The following XYLT1 variants were observed in gnomAD, a reference collection of about 807,000 sequenced individuals.
The protein encoded by XYLT1 is beta-D-xylosyltransferase 1.
Under a neutral mutation model 91.3 loss-of-function variants are expected in XYLT1, and 36 were observed. The ratio of observed to expected loss-of-function variants is 0.39; its 90% CI spans 0.30 to 0.52. XYLT1 has a LOEUF of 0.52. Among genes scored for constraint, XYLT1 ranks in the 20% least tolerant of loss-of-function variants. The pLI, the probability that XYLT1 is intolerant of heterozygous loss-of-function variation, is 0.68. For missense variants in XYLT1, 1,242 were observed against 1,284.5 expected, an observed-to-expected ratio of 0.97 and a Z score of 0.51; for synonymous variants, 588 against 532.0, an observed-to-expected ratio of 1.11 and a Z score of -1.45.
At chr16:17,314,278 G>A (rs780642916) in intron 2 of XYLT1, among the ~76,000 whole-genome samples, 17 of 152,152 alleles carry the variant, frequency 1.1e-4, no homozygotes, top group Non-Finnish European at 1.9e-4. Flanking sequence ...GGTGGGCCCT[G>A]ACTTCAGGAG....
At chr16:17,387,769 A>C (rs2035764885) in intron 1 of XYLT1, among the ~76,000 whole-genome samples, 1 of 152,176 alleles carries the variant, frequency 6.6e-6, no homozygotes, top group Non-Finnish European at 1.5e-5. Flanking sequence ...TGCCCGGTCC[A>C]AGAACCTTTC....
At chr16:17,177,563 C>A (rs368103988) in intron 5 of XYLT1, among the ~76,000 whole-genome samples, 28 of 152,204 alleles carry the variant, frequency 1.8e-4, no homozygotes, top group African/African-American at 6.3e-4. Context: ...CAACAAGCAT[C>A]TGTTGACTGA....
intron 2 of XYLT1, among the ~76,000 whole-genome samples, chr16:17,328,011 A>G (rs2034838716): frequency 6.6e-6 from 1 of 152,124 alleles, no homozygotes; most frequent in Non-Finnish European, 1.5e-5. Flanking sequence ...GAGGACCATC[A>G]TGGAGGGAGA....
chr16:17,264,118 T>C (rs182893802), intron 2 of XYLT1, among the ~76,000 whole-genome samples: 5 of 152,330 alleles, frequency 3.3e-5, no homozygotes, highest in Admixed American at 1.3e-4. Flanking sequence ...TATTGTTGCA[T>C]GTACTACTAT....
At chr16:17,187,566 CAAAAA>C (rs57130941) in intron 5 of XYLT1, among the ~76,000 whole-genome samples, 51 of 57,234 alleles carry the variant, frequency 8.9e-4, no homozygotes, top group African/African-American at 3.4e-3. Context: ...AACGCTGTCT[CAAAAA>C]AAAAAAAAAA....
At chr16:17,428,343 C>T (rs1412726212) in intron 1 of XYLT1, among the ~76,000 whole-genome samples, 2 of 152,160 alleles carry the variant, frequency 1.3e-5, no homozygotes, top group Non-Finnish European at 2.9e-5. Flanking sequence ...GCAGCACAAG[C>T]TCTGGCGGCA....
At chr16:17,156,270 A>G (rs2031405106) in intron 6 of XYLT1, among the ~76,000 whole-genome samples, 1 of 152,220 alleles carries the variant, frequency 6.6e-6, no homozygotes, top group South Asian at 2.1e-4. Flanking sequence ...GTGCTCAGAG[A>G]ATAAATCCTG....
At chr16:17,412,360 C>T (rs114269312) in intron 1 of XYLT1, among the ~76,000 whole-genome samples, 4,839 of 151,786 alleles carry the variant, frequency 0.032, 249 homozygotes, top group African/African-American at 0.11. Context: ...GGGGTCCTGG[C>T]GCACACACAC....
intron 5 of XYLT1, among the ~76,000 whole-genome samples, chr16:17,164,293 A>G (rs972177336): frequency 9.9e-6 from 1 of 101,230 alleles, no homozygotes; most frequent in African/African-American, 2.7e-5. Flanking sequence ...GATGTCACAA[A>G]TTTTTTTTTT....
intron 2 of XYLT1, among the ~76,000 whole-genome samples, chr16:17,288,605 T>C (rs538235079): frequency 6.6e-6 from 1 of 152,196 alleles, no homozygotes; most frequent in East Asian, 1.9e-4. Context: ...GGGCAGGTCA[T>C]GCGACCTGCT....
intron 5 of XYLT1, among the ~76,000 whole-genome samples, chr16:17,178,280 A>T (rs1253138040): frequency 6.6e-6 from 1 of 152,142 alleles, no homozygotes; most frequent in Non-Finnish European, 1.5e-5. Context: ...AACATAAAAT[A>T]AAGGGAGCCT....
chr16:17,192,141 C>T (rs1021814318), intron 5 of XYLT1, among the ~76,000 whole-genome samples: 8 of 148,808 alleles, frequency 5.4e-5, no homozygotes, highest in African/African-American at 1.2e-4. Flanking sequence ...TCCTGCTGCC[C>T]GGGCTGGAGT....
chr16:17,396,673 C>T (rs1418906746), intron 1 of XYLT1, among the ~76,000 whole-genome samples: 1 of 152,114 alleles, frequency 6.6e-6, no homozygotes, highest in Non-Finnish European at 1.5e-5. Context: ...GAGTTTGAGA[C>T]CAGCCTGGCC....
chr16:17,308,931 C>T (rs1259437236), intron 2 of XYLT1, among the ~76,000 whole-genome samples: 1 of 151,896 alleles, frequency 6.6e-6, no homozygotes, highest in Non-Finnish European at 1.5e-5. Context: ...CTGTATACAT[C>T]TTGGTTGATG....
At position 17,200,549 on chromosome 16, in the gene XYLT1, C is replaced by T. The variant is rs754942048; in HGVS notation, c.1019G>A (p.Arg340Gln). 6.2e-6 allele frequency: 10 copies of T among 1,614,038 alleles called. No homozygotes were observed. Among genetic ancestry groups the T allele is most frequent in the South Asian group, 1.1e-5 (1 of 91,084 alleles). ...GGCCTTGAACATGCGCTGCAACTGC[C>T]GAGAGGCACGGCCGTGGACCACCAG... ...FVLVVHGRAS[R>Q]QLQRMFKAIY... The change falls in exon 4 of 12, where the codon CGG (arginine) becomes CAG (glutamine). Residue 340 changes from arginine to glutamine, a missense_variant. This residue lies in a region of XYLT1 where 294 missense variants were observed against 376.0 expected (regional missense o/e 0.78). Coordinates refer to ENST00000261381, the MANE Select transcript of XYLT1 (RefSeq NM_022166.4).
chr16:17,147,533 T>C (rs1254544534), intron 6 of XYLT1, among the ~76,000 whole-genome samples: 1 of 152,252 alleles, frequency 6.6e-6, no homozygotes, highest in Non-Finnish European at 1.5e-5. Context: ...TTCATGGGAT[T>C]GGGAGATGGG....
chr16:17,394,063 C>T (rs1459505113), intron 1 of XYLT1, among the ~76,000 whole-genome samples: 3 of 152,196 alleles, frequency 2.0e-5, no homozygotes, highest in African/African-American at 4.8e-5. Context: ...GCATGAGCCA[C>T]CACGCCCGGC....
At chr16:17,455,891 G>A (rs184321430) in intron 1 of XYLT1, among the ~76,000 whole-genome samples, 79 of 152,304 alleles carry the variant, frequency 5.2e-4, no homozygotes, top group African/African-American at 1.8e-3. Flanking sequence ...AAGGAAAAAG[G>A]CCAGGTCTGG....
chr16:17,436,092 T>C (rs11862260), intron 1 of XYLT1, among the ~76,000 whole-genome samples: 52,745 of 151,920 alleles, frequency 0.35, 10,599 homozygotes, highest in African/African-American at 0.54. Context: ...TAAATGGGAG[T>C]TCCCCTGCAC....
Sources: allele counts gnomAD v4.1 joint callset (sites outside exome capture counted in the v4.1 genomes callset), GRCh38; gene constraint gnomAD v4.1.1; regional missense constraint gnomAD v4.1.1; transcripts MANE v1.5; gene names NCBI Gene and HGNC (gene_info 2026-07-23, HGNC 2026-07-21).